The following OPCML variants were observed in gnomAD, a reference collection of about 807,000 sequenced individuals.
OPCML encodes opioid binding protein/cell adhesion molecule like.
In OPCML, 13 loss-of-function variants were observed where a neutral mutation model predicts 37.8. That is an observed-to-expected ratio of 0.34 (90% CI 0.22 to 0.55). The LOEUF (loss-of-function observed/expected upper bound fraction) is 0.55, where lower values mean the gene tolerates loss of function less well. OPCML is among the 20% of genes least tolerant of loss of function. The pLI, the probability that OPCML is intolerant of heterozygous loss-of-function variation, is 0.91. For missense variants in OPCML, 341 were observed against 435.6 expected (o/e 0.78, Z 1.93); for synonymous variants, 176 against 168.8 (o/e 1.04, Z -0.33).
rs530559831 is a variant in OPCML at position 132,831,722 on chromosome 11, C to G, written c.146+111204G>C. 2.0e-5 allele frequency among the ~76,000 whole-genome samples: 3 copies of G among 149,560 alleles called. 1 individual carries two copies. The highest frequency in any genetic ancestry group is 4.4e-5 in the Non-Finnish European group (3 of 67,540). ...GCATCCCCCAACACAACTCTTCCCC[C>G]TTTTCTTCCCTCTCTTCAAGTTTCA... On this transcript the variant is annotated intron_variant, in intron 2 of 7. Transcript: ENST00000524381.
At chr11:132,569,991 A>T (rs1165981035) in intron 3 of OPCML, among the ~76,000 whole-genome samples, 1 of 152,028 alleles carries the variant, frequency 6.6e-6, no homozygotes, top group Non-Finnish European at 1.5e-5. Context: ...CAGGTGAAAG[A>T]AATGGGATTT....
intron 1 of OPCML, among the ~76,000 whole-genome samples, chr11:133,522,515 G>T (rs978020527): frequency 2.0e-5 from 3 of 152,162 alleles, no homozygotes; most frequent in African/African-American, 7.2e-5. Flanking sequence ...CTGATCTTTG[G>T]GTAAGAGGGA....
chr11:132,833,851 A>T (rs779316290), intron 2 of OPCML, among the ~76,000 whole-genome samples: 12 of 152,246 alleles, frequency 7.9e-5, no homozygotes, highest in Non-Finnish European at 1.5e-4. Flanking sequence ...AAGGTAATCC[A>T]GTAAGAGCAT....
intron 3 of OPCML, among the ~76,000 whole-genome samples, chr11:132,635,265 T>C (rs1413831038): frequency 6.6e-6 from 1 of 152,102 alleles, no homozygotes; most frequent in Non-Finnish European, 1.5e-5. Context: ...ATCCCCCCCA[T>C]TGCAAAATAA....
At chr11:133,264,946 T>G (rs1941611224) in intron 1 of OPCML, among the ~76,000 whole-genome samples, 1 of 152,230 alleles carries the variant, frequency 6.6e-6, no homozygotes, top group African/African-American at 2.4e-5. Context: ...TTAGTGGTTT[T>G]GTCTGCACTA....
chr11:133,097,515 A>G (rs1387639969), intron 1 of OPCML, among the ~76,000 whole-genome samples: 1 of 152,190 alleles, frequency 6.6e-6, no homozygotes, highest in Admixed American at 6.5e-5. Context: ...TAAATAGTAC[A>G]ATTAGAACAA....
intron 1 of OPCML, among the ~76,000 whole-genome samples, chr11:133,124,289 G>A (rs765420198): frequency 6.6e-6 from 1 of 152,106 alleles, no homozygotes; most frequent in Non-Finnish European, 1.5e-5. Context: ...TCAGCCCTAG[G>A]GTTCCCCCAT....
At chr11:133,079,612 G>A (rs1349386554) in intron 1 of OPCML, among the ~76,000 whole-genome samples, 2 of 152,142 alleles carry the variant, frequency 1.3e-5, no homozygotes, top group African/African-American at 2.4e-5. Context: ...ACAGCCAGGC[G>A]TGGCCACCCA....
At chr11:132,911,387 A>G (rs1037166109) in intron 2 of OPCML, among the ~76,000 whole-genome samples, 1 of 152,242 alleles carries the variant, frequency 6.6e-6, no homozygotes, top group African/African-American at 2.4e-5. Context: ...AGAAAGAGAC[A>G]CGACAGAAGG....
chr11:132,500,590 G>A (rs2096243394), intron 4 of OPCML, among the ~76,000 whole-genome samples: 1 of 152,054 alleles, frequency 6.6e-6, no homozygotes, highest in Admixed American at 6.6e-5. Context: ...TTTAAGTTCT[G>A]GGATACACGT....
chr11:132,462,368 C>T (rs1004742927), intron 4 of OPCML, among the ~76,000 whole-genome samples: 2 of 152,128 alleles, frequency 1.3e-5, no homozygotes, highest in South Asian at 2.1e-4. Flanking sequence ...CTGAGGCTGC[C>T]TGGTGGGCTT....
intron 3 of OPCML, among the ~76,000 whole-genome samples, chr11:132,609,597 A>G (rs533532037): frequency 6.6e-6 from 1 of 152,306 alleles, no homozygotes; most frequent in South Asian, 2.1e-4. Flanking sequence ...TTCCTCTTGT[A>G]GGGCTCCTCT....
At chr11:133,227,192 G>A (rs1234303367) in intron 1 of OPCML, among the ~76,000 whole-genome samples, 1 of 152,172 alleles carries the variant, frequency 6.6e-6, no homozygotes, top group East Asian at 1.9e-4. Context: ...CGAGGATGGC[G>A]CCTGTGCCCC....
chr11:132,732,090 A>C (rs1485635642), intron 2 of OPCML, among the ~76,000 whole-genome samples: 1 of 152,156 alleles, frequency 6.6e-6, no homozygotes, highest in African/African-American at 2.4e-5. Flanking sequence ...TTTGGAGGAG[A>C]TGGGGATGTA....
chr11:133,241,776 G>C (rs542699396), intron 1 of OPCML, among the ~76,000 whole-genome samples: 15 of 152,162 alleles, frequency 9.9e-5, no homozygotes, highest in Non-Finnish European at 1.6e-4. Context: ...CATCTCCCAT[G>C]GTTCACCACC....
intron 2 of OPCML, among the ~76,000 whole-genome samples, chr11:132,911,501 G>C (rs775994906): frequency 6.6e-6 from 1 of 152,166 alleles, no homozygotes; most frequent in Non-Finnish European, 1.5e-5. Flanking sequence ...TGATTGTCTC[G>C]GGAACTCTCC....
intron 4 of OPCML, among the ~76,000 whole-genome samples, chr11:132,501,763 A>C (rs1235940555): frequency 1.3e-5 from 2 of 152,238 alleles, no homozygotes; most frequent in Non-Finnish European, 2.9e-5. Flanking sequence ...CAAATAAGCA[A>C]AGGAAGATAC....
chr11:133,008,890 A>G, intron 1 of OPCML: 1 of 985,472 alleles, frequency 1.0e-6, no homozygotes, highest in Non-Finnish European at 1.2e-6. Context: ...ATATCTGGTC[A>G]TATGAGTGAT....
intron 1 of OPCML, among the ~76,000 whole-genome samples, chr11:133,290,606 A>T (rs1385410483): frequency 6.6e-6 from 1 of 152,166 alleles, no homozygotes; most frequent in African/African-American, 2.4e-5. Context: ...GAGACCCCTG[A>T]GTGGCACCTG....
Sources: gnomAD v4.1 joint callset for allele counts (sites outside exome capture counted in the v4.1 genomes callset) on GRCh38, gnomAD v4.1.1 for gene constraint, MANE v1.5 for transcripts, NCBI Gene and HGNC (gene_info 2026-07-23, HGNC 2026-07-21) for gene names.